The following SRD5A2 variants were observed in gnomAD, a reference collection of about 807,000 sequenced individuals.
SRD5A2 encodes 3-oxo-5-alpha-steroid 4-dehydrogenase 2.
Under a neutral mutation model 27.4 loss-of-function variants are expected in SRD5A2, and 30 were observed. The observed-to-expected ratio is 1.10, with a 90% CI of 0.82 to 1.49. The LOEUF (loss-of-function observed/expected upper bound fraction) is 1.49, where lower values mean the gene tolerates loss of function less well. SRD5A2 is among the 40% of genes most tolerant of loss of function. SRD5A2 has a pLI of 0.00. For missense variants in SRD5A2, 348 were observed against 323.4 expected (o/e 1.08, Z -0.58); for synonymous variants, 141 against 133.6 (o/e 1.06, Z -0.38).
chr2:31,621,771 G>T, the SRD5A2 span, among the ~76,000 whole-genome samples: 8 of 151,972 alleles, frequency 5.3e-5, no homozygotes. Flanking sequence ...GGAGTAGCTA[G>T]AACTACAGGT....
rs1884722 is a variant in SRD5A2, at chr2:31,523,137, C to T, written c.*3059G>A. 0.12 allele frequency: 26,395 copies of T among 215,890 alleles called. 1,788 individuals carry two copies. Among genetic ancestry groups the T allele is most frequent in the Middle Eastern group, 0.2 (141 of 706 alleles). The allele number at this position is 215,890 out of a possible 1,614,324, so 13.4% of individuals were successfully genotyped here. A position where few individuals can be genotyped will look rare whatever the true frequency, so the allele number is the denominator to read the frequency against. ...GCATTAGGGATAAGGGGGTTTATGA[C>T]CTGAAACCTTTTTTCCATGCTGAAC... On this transcript the variant is annotated 3_prime_UTR_variant, in exon 5 of 5. Coordinates refer to ENST00000622030, the MANE Select transcript of SRD5A2 (RefSeq NM_000348.4).
At chr2:31,656,713 T>C in the SRD5A2 span, among the ~76,000 whole-genome samples, 1 of 152,172 alleles carries the variant, frequency 6.6e-6, no homozygotes, top group African/African-American at 2.4e-5. Flanking sequence ...GTCACCTTGA[T>C]CTGGGACTTC....
the SRD5A2 span, among the ~76,000 whole-genome samples, chr2:31,653,686 T>C: frequency 6.6e-6 from 1 of 151,810 alleles, no homozygotes; most frequent in African/African-American, 2.4e-5. Context: ...TGAGACGGAG[T>C]TTTGCTCTTG....
At chr2:31,571,178 A>T (rs1666841790) in intron 1 of SRD5A2, among the ~76,000 whole-genome samples, 1 of 152,228 alleles carries the variant, frequency 6.6e-6, no homozygotes, top group Non-Finnish European at 1.5e-5. Flanking sequence ...ACAGACATAT[A>T]GACCAATGGA....
At chr2:31,536,702 T>C (rs997075169) in intron 1 of SRD5A2, among the ~76,000 whole-genome samples, 1 of 151,688 alleles carries the variant, frequency 6.6e-6, no homozygotes, top group Non-Finnish European at 1.5e-5. Flanking sequence ...CAAAGCTTGT[T>C]TCACTGTAGA....
At chr2:31,530,728 C>T (rs1665888783) in intron 3 of SRD5A2, among the ~76,000 whole-genome samples, 1 of 152,080 alleles carries the variant, frequency 6.6e-6, no homozygotes, top group African/African-American at 2.4e-5. Flanking sequence ...CCATCTAAAC[C>T]TACTGAAGGA....
chr2:31,614,391 G>T, the SRD5A2 span, among the ~76,000 whole-genome samples: 1 of 152,236 alleles, frequency 6.6e-6, no homozygotes, highest in East Asian at 1.9e-4. Context: ...TCTAGGTCAT[G>T]CTGATGCAAG....
chr2:31,535,762 C>T (rs1180447228), intron 1 of SRD5A2, among the ~76,000 whole-genome samples: 1 of 152,114 alleles, frequency 6.6e-6, no homozygotes, highest in African/African-American at 2.4e-5. Context: ...CAAATACACA[C>T]AACAAGAGAA....
At chr2:31,654,293 G>C in the SRD5A2 span, among the ~76,000 whole-genome samples, 1 of 152,150 alleles carries the variant, frequency 6.6e-6, no homozygotes, top group Non-Finnish European at 1.5e-5. Flanking sequence ...TCAAAGCACT[G>C]GCAAGGATAC....
the SRD5A2 span, among the ~76,000 whole-genome samples, chr2:31,659,324 C>G: frequency 6.6e-6 from 1 of 152,102 alleles, no homozygotes; most frequent in African/African-American, 2.4e-5. Flanking sequence ...ACTGGAAGTC[C>G]TAGCCAGAGC....
At chr2:31,657,645 T>C in the SRD5A2 span, among the ~76,000 whole-genome samples, 1 of 152,202 alleles carries the variant, frequency 6.6e-6, no homozygotes, top group Non-Finnish European at 1.5e-5. Flanking sequence ...TGACATGTCA[T>C]GGTTTTGAAA....
the SRD5A2 span, among the ~76,000 whole-genome samples, chr2:31,631,115 T>C: frequency 9.2e-5 from 14 of 152,190 alleles, no homozygotes; most frequent in Admixed American, 9.2e-4. Flanking sequence ...CTGAAATGAA[T>C]TTGCATAAGA....
chr2:31,612,861 TTAAATA>T, the SRD5A2 span, among the ~76,000 whole-genome samples: 1 of 152,116 alleles, frequency 6.6e-6, no homozygotes, highest in Non-Finnish European at 1.5e-5. Flanking sequence ...AGATATAAAC[TTAAATA>T]TTTGCAGTTA....
chr2:31,632,505 G>C, the SRD5A2 span, among the ~76,000 whole-genome samples: 1 of 152,232 alleles, frequency 6.6e-6, no homozygotes, highest in Admixed American at 6.5e-5. Context: ...CAGCAGGACT[G>C]AGGGTGCCCG....
the SRD5A2 span, among the ~76,000 whole-genome samples, chr2:31,662,581 C>T: frequency 1.3e-5 from 2 of 152,096 alleles, no homozygotes; most frequent in Admixed American, 6.6e-5. Context: ...TCTTGGATTA[C>T]AAGCATGAGA....
upstream of SRD5A2, among the ~76,000 whole-genome samples, chr2:31,581,618 G>C (rs376954292): frequency 6.6e-6 from 1 of 152,150 alleles, no homozygotes; most frequent in Non-Finnish European, 1.5e-5. Flanking sequence ...CGCCTGCCTG[G>C]GTCAGAGAGG....
At chr2:31,637,714 G>A in the SRD5A2 span, among the ~76,000 whole-genome samples, 1 of 151,876 alleles carries the variant, frequency 6.6e-6, no homozygotes. Context: ...GCTCACTCTT[G>A]AATTCATTCC....
At chr2:31,549,251 T>C (rs1432984972) in intron 1 of SRD5A2, among the ~76,000 whole-genome samples, 3 of 151,844 alleles carry the variant, frequency 2.0e-5, no homozygotes, top group Non-Finnish European at 4.4e-5. Flanking sequence ...TAGCTGGGAC[T>C]ATAGGTGCCC....
intron 1 of SRD5A2, among the ~76,000 whole-genome samples, chr2:31,548,615 G>C (rs142219714): frequency 1.3e-5 from 2 of 152,222 alleles, no homozygotes; most frequent in East Asian, 3.9e-4. Flanking sequence ...GGAGAAACTG[G>C]AACACTTGTG....
Sources: gnomAD v4.1 joint callset for allele counts (sites outside exome capture counted in the v4.1 genomes callset) on GRCh38, gnomAD v4.1.1 for gene constraint, MANE v1.5 for transcripts, NCBI Gene and HGNC (gene_info 2026-07-23, HGNC 2026-07-21) for gene names.